The following RBFOX1 variants were observed in gnomAD, a reference collection of about 807,000 sequenced individuals.
RBFOX1 encodes the protein RNA binding protein fox-1 homolog 1.
Under a neutral mutation model 57.7 loss-of-function variants are expected in RBFOX1, and 8 were observed. The observed-to-expected ratio is 0.14, with a 90% CI of 0.08 to 0.25. RBFOX1 has a LOEUF of 0.25. RBFOX1 is among the 10% of genes least tolerant of loss of function. The pLI is 1.00. For missense variants in RBFOX1, 611 were observed against 548.5 expected (o/e 1.11, Z -1.14); for synonymous variants, 326 against 222.4 (o/e 1.47, Z -4.15).
intron 4 of RBFOX1, among the ~76,000 whole-genome samples, chr16:5,990,927 A>T (rs8050763): frequency 0.4 from 61,192 of 152,018 alleles, 13,420 homozygotes; most frequent in South Asian, 0.51. Context: ...TGAGATGAGC[A>T]CACACCACTG....
chr16:6,377,914 G>A (rs1178352177), intron 2 of RBFOX1, among the ~76,000 whole-genome samples: 1 of 152,156 alleles, frequency 6.6e-6, no homozygotes, highest in African/African-American at 2.4e-5. Context: ...CCCACTCCAA[G>A]AGGTGCTTCT....
chr16:5,452,888 TC>T (rs1567531756), intron 1 of RBFOX1, among the ~76,000 whole-genome samples: 1 of 152,134 alleles, frequency 6.6e-6, no homozygotes, highest in African/African-American at 2.4e-5. Context: ...CTGCTCGGCT[TC>T]CCAAAGTGCT....
chr16:7,187,336 C>T (rs550442974), intron 4 of RBFOX1, among the ~76,000 whole-genome samples: 2 of 151,976 alleles, frequency 1.3e-5, no homozygotes, highest in Non-Finnish European at 2.9e-5. Flanking sequence ...GAGAGATTAT[C>T]GATCACTTAA....
At chr16:6,590,536 C>G (rs952927625) in intron 2 of RBFOX1, among the ~76,000 whole-genome samples, 8 of 152,076 alleles carry the variant, frequency 5.3e-5, no homozygotes, top group Non-Finnish European at 1.0e-4. Flanking sequence ...AATGAGAGCC[C>G]CCTGCGACTA....
intron 3 of RBFOX1, among the ~76,000 whole-genome samples, chr16:6,926,219 C>G (rs577258013): frequency 6.6e-5 from 10 of 152,222 alleles, no homozygotes; most frequent in South Asian, 4.2e-4. Flanking sequence ...AGGCAGGAGA[C>G]TCCCTTGAAC....
At chr16:5,703,051 G>A (rs976059912) in intron 3 of RBFOX1, among the ~76,000 whole-genome samples, 18 of 152,280 alleles carry the variant, frequency 1.2e-4, no homozygotes, top group African/African-American at 4.1e-4. Context: ...TGTCCTGTGT[G>A]CTGGAGTTGA....
intron 5 of RBFOX1, among the ~76,000 whole-genome samples, chr16:7,522,672 C>G (rs995339706): frequency 6.6e-6 from 1 of 151,972 alleles, no homozygotes; most frequent in African/African-American, 2.4e-5. Flanking sequence ...CTAATTTATG[C>G]CAACAAGGTC....
At chr16:5,620,514 T>G (rs986685958) in intron 3 of RBFOX1, among the ~76,000 whole-genome samples, 1 of 152,154 alleles carries the variant, frequency 6.6e-6, no homozygotes, top group Non-Finnish European at 1.5e-5. Flanking sequence ...GAGGTCAGTG[T>G]GTCAGCGGGG....
intron 3 of RBFOX1, among the ~76,000 whole-genome samples, chr16:5,737,403 T>C (rs1013310888): frequency 6.6e-6 from 1 of 152,084 alleles, no homozygotes; most frequent in African/African-American, 2.4e-5. Context: ...GGAGAATCTC[T>C]TGAACCTAGG....
intron 4 of RBFOX1, among the ~76,000 whole-genome samples, chr16:7,511,610 A>C (rs898823134): frequency 6.6e-6 from 1 of 151,904 alleles, no homozygotes; most frequent in Non-Finnish European, 1.5e-5. Context: ...AAATATTTAA[A>C]TTGAAATGAC....
At chr16:7,634,547 A>G (rs1318457137) in intron 11 of RBFOX1, among the ~76,000 whole-genome samples, 1 of 152,178 alleles carries the variant, frequency 6.6e-6, no homozygotes, top group Non-Finnish European at 1.5e-5. Context: ...TCTGCTTTTG[A>G]TATGCATTTT....
intron 1 of RBFOX1, among the ~76,000 whole-genome samples, chr16:5,353,826 T>C (rs1453489159): frequency 6.6e-6 from 1 of 151,752 alleles, no homozygotes; most frequent in Non-Finnish European, 1.5e-5. Flanking sequence ...CGGTCTCCTG[T>C]GGGGTCCACA....
Position 7,711,184 on chromosome 16 carries a change from G to T in RBFOX1, c.*439G>T, listed in dbSNP as rs57583812. On this transcript the variant is annotated 3_prime_UTR_variant, in exon 16 of 16. Transcript: ENST00000550418. Reference sequence around the variant, plus strand: ...ATTATTTTATTTTGCGAAAGGGGAGGTTGGGAGGGGCTTAGGGGATTGGAA... The same window carrying T: ...ATTATTTTATTTTGCGAAAGGGGAGTTTGGGAGGGGCTTAGGGGATTGGAA... 2,166 of 152,152 alleles carry T rather than the reference G, an allele frequency of 0.014. 152 individuals are homozygous for T. The East Asian group carries it at 0.21, about 15-fold the overall frequency. 9.4% of individuals were successfully genotyped at this position (152,152 alleles called of 1,614,324 possible). A position where few individuals can be genotyped will look rare whatever the true frequency, so the allele number is the denominator to read the frequency against.
chr16:5,786,403 C>T (rs1040310027), intron 3 of RBFOX1, among the ~76,000 whole-genome samples: 9 of 152,068 alleles, frequency 5.9e-5, no homozygotes, highest in Non-Finnish European at 1.2e-4. Context: ...ACTGCTGCTT[C>T]TTGGTGTGTC....
chr16:6,660,472 T>G (rs918308399), intron 3 of RBFOX1, among the ~76,000 whole-genome samples: 1 of 152,136 alleles, frequency 6.6e-6, no homozygotes, highest in Non-Finnish European at 1.5e-5. Context: ...TGCCCAGGAT[T>G]ATTCAGGACG....
At chr16:7,138,788 G>C (rs752793228) in intron 4 of RBFOX1, among the ~76,000 whole-genome samples, 2 of 152,092 alleles carry the variant, frequency 1.3e-5, no homozygotes, top group Non-Finnish European at 2.9e-5. Context: ...ATTTCCCTTT[G>C]GAGAGCTCTG....
intron 1 of RBFOX1, among the ~76,000 whole-genome samples, chr16:6,137,728 C>T (rs1417419375): frequency 6.6e-6 from 1 of 151,002 alleles, no homozygotes; most frequent in Non-Finnish European, 1.5e-5. Context: ...ATCCTGCCAC[C>T]TCAGCCTCTC....
chr16:6,876,847 G>A (rs969443809), intron 3 of RBFOX1, among the ~76,000 whole-genome samples: 10 of 152,164 alleles, frequency 6.6e-5, no homozygotes, highest in African/African-American at 2.4e-4. Flanking sequence ...TGTGAGCAAT[G>A]GAAGTGGGAT....
At chr16:6,518,697 G>A (rs2153796170) in intron 2 of RBFOX1, among the ~76,000 whole-genome samples, 1 of 152,158 alleles carries the variant, frequency 6.6e-6, no homozygotes, top group Non-Finnish European at 1.5e-5. Context: ...ATCTATGTAT[G>A]TATCTGTCCA....
Sources: allele counts gnomAD v4.1 joint callset (sites outside exome capture counted in the v4.1 genomes callset), GRCh38; gene constraint gnomAD v4.1.1; transcripts MANE v1.5; gene names NCBI Gene and HGNC (gene_info 2026-07-23, HGNC 2026-07-21).